TRIM36: variants seen among roughly 807,000 people sequenced by gnomAD.
TRIM36 encodes the protein E3 ubiquitin-protein ligase TRIM36.
Under a neutral mutation model 72.4 loss-of-function variants are expected in TRIM36, and 42 were observed. That is an observed-to-expected ratio of 0.58 (90% CI 0.45 to 0.75). The LOEUF (loss-of-function observed/expected upper bound fraction) is 0.75, where lower values mean the gene tolerates loss of function less well. TRIM36 is among the 30% of genes least tolerant of loss of function. TRIM36 has a pLI of 0.00. For synonymous variants in TRIM36, 315 were observed against 282.8 expected (o/e 1.11, Z -1.14); for missense variants, 913 against 857.1 (o/e 1.07, Z -0.81).
Position 115,157,338 on chromosome 5 carries a change from G to T in TRIM36, c.262+6180C>A, listed in dbSNP as rs150772453. Among the ~76,000 whole-genome samples, 112 of 152,198 alleles carry T rather than the reference G, an allele frequency of 7.4e-4. 2 individuals are homozygous for T. The East Asian group carries it at 0.02, about 27-fold the overall frequency. Reference sequence around the variant, plus strand: ...AACATTTTGGGAGGCTGGGGTGGGTGGATCACCTGAGGTCAACAGTTCGAG... The same window carrying T: ...AACATTTTGGGAGGCTGGGGTGGGTTGATCACCTGAGGTCAACAGTTCGAG... On this transcript the variant is annotated intron_variant, in intron 2 of 9. Transcript: ENST00000513154.
chr5:115,136,934 T>C (rs1752992389), intron 7 of TRIM36, 66 bp downstream of exon 7: 2 of 1,424,688 alleles, frequency 1.4e-6, no homozygotes, highest in Non-Finnish European at 1.9e-6. Flanking sequence ...AGAGAACTTG[T>C]GTTTTCTTCC....
At chr5:115,143,927 G>A (rs995383198) in intron 4 of TRIM36, among the ~76,000 whole-genome samples, 16 of 152,086 alleles carry the variant, frequency 1.1e-4, no homozygotes, top group African/African-American at 3.6e-4. Flanking sequence ...CTGGAGTGCA[G>A]TGGCGCGATC....
At chr5:115,175,650 T>C (rs1755296127) in intron 1 of TRIM36, among the ~76,000 whole-genome samples, 1 of 149,798 alleles carries the variant, frequency 6.7e-6, no homozygotes, top group Non-Finnish European at 1.5e-5. Flanking sequence ...GGAGACACCT[T>C]TTTTTTTCAA....
intron 2 of TRIM36, among the ~76,000 whole-genome samples, chr5:115,153,178 T>C (rs1753986122): frequency 6.6e-6 from 1 of 151,930 alleles, no homozygotes; most frequent in South Asian, 2.1e-4. Flanking sequence ...AAACTTAAGG[T>C]AAAGGGGTGG....
chr5:115,127,486 A>C (rs894386296), intron 9 of TRIM36, among the ~76,000 whole-genome samples: 3 of 152,206 alleles, frequency 2.0e-5, no homozygotes, highest in African/African-American at 7.2e-5. Flanking sequence ...ACTTGAACCC[A>C]GGAAGCAGAA....
At position 115,163,509 on chromosome 5, in the gene TRIM36, A is replaced by G; in HGVS notation, c.262+9T>C. On this transcript the variant is annotated intron_variant, in intron 2 of 9. Transcript: ENST00000513154. Reference sequence around the variant, plus strand: ...CACTACCATCCCAGCCCACAGTTCTAACACATACCTGGTCTGTTAATTCGG... The same window carrying G: ...CACTACCATCCCAGCCCACAGTTCTGACACATACCTGGTCTGTTAATTCGG... 1.2e-6 allele frequency: 2 copies of G among 1,612,342 alleles called. No homozygotes were observed. Among genetic ancestry groups the G allele is most frequent in the Non-Finnish European group, 1.7e-6 (2 of 1,178,344 alleles).
rs114791950 is a variant in TRIM36, at chr5:115,153,203, T to C, written c.263-5809A>G. 2.3e-3 allele frequency among the ~76,000 whole-genome samples: 356 copies of C among 152,296 alleles called. 1 individual carries two copies. Among genetic ancestry groups the C allele is most frequent in the African/African-American group, 8.2e-3 (341 of 41,562 alleles). On this transcript the variant is annotated intron_variant, in intron 2 of 9. Transcript: ENST00000513154. ...TAAAGGGGTGGAAAAAGACATTTCA[T>C]GTGAATGGACACCAAAAGCCAGCAG...
chr5:115,128,478 C>T (rs901948641), intron 9 of TRIM36, among the ~76,000 whole-genome samples: 4 of 148,600 alleles, frequency 2.7e-5, no homozygotes, highest in African/African-American at 7.4e-5. Flanking sequence ...TTAGGCCGGG[C>T]GCGGTGGCTC....
At chr5:115,128,372 A>G (rs1355963696) in intron 9 of TRIM36, among the ~76,000 whole-genome samples, 8 of 147,064 alleles carry the variant, frequency 5.4e-5, no homozygotes, top group Non-Finnish European at 1.1e-4. Context: ...TCCATCTCAA[A>G]AAAAAAAAAA....
At chr5:115,145,447 C>G (rs1180545406) in intron 3 of TRIM36, among the ~76,000 whole-genome samples, 1 of 152,088 alleles carries the variant, frequency 6.6e-6, no homozygotes, top group Admixed American at 6.5e-5. Flanking sequence ...TTAATAAAAT[C>G]AAAAGTTGTT....
chr5:115,150,253 T>G (rs1410884522), intron 2 of TRIM36, among the ~76,000 whole-genome samples: 1 of 152,128 alleles, frequency 6.6e-6, no homozygotes, highest in Non-Finnish European at 1.5e-5. Flanking sequence ...AATGGAAGAG[T>G]CAACTTTCTA....
chr5:115,130,518 T>C (rs1274978070), intron 9 of TRIM36, 74 bp downstream of exon 9: 8 of 1,500,302 alleles, frequency 5.3e-6, no homozygotes, highest in Non-Finnish European at 3.6e-6. Context: ...ATACTCCAAA[T>C]GTAACAAAGC....
At chr5:115,138,908 A>T (rs1580654052) in intron 5 of TRIM36, among the ~76,000 whole-genome samples, 1 of 151,592 alleles carries the variant, frequency 6.6e-6, no homozygotes, top group Non-Finnish European at 1.5e-5. Context: ...CTCCGCCTCC[A>T]AGGTTCACGC....
chr5:115,171,042 G>T, upstream of TRIM36: 1 of 1,610,350 alleles, frequency 6.2e-7, no homozygotes, highest in South Asian at 1.1e-5. Flanking sequence ...TAGGCTTTAA[G>T]AACAGATGCC....
chr5:115,140,105 G>C (rs985654056), intron 5 of TRIM36, among the ~76,000 whole-genome samples: 3 of 152,158 alleles, frequency 2.0e-5, no homozygotes, highest in Admixed American at 6.5e-5. Flanking sequence ...ACTTAGGGTG[G>C]TGAATCAGTA....
At chr5:115,136,283 G>C (rs1353912644) in intron 7 of TRIM36, among the ~76,000 whole-genome samples, 2 of 48,688 alleles carry the variant, frequency 4.1e-5, no homozygotes, top group African/African-American at 7.9e-5. Context: ...AAAAAGAGGA[G>C]ATTAGATCTC....
chr5:115,148,437 T>TTTC, intron 2 of TRIM36: 1 of 646,876 alleles, frequency 1.5e-6, no homozygotes, highest in African/African-American at 2.0e-5. Context: ...TTTTTTTTTT[T>TTTC]TAGATGGAGT....
intron 1 of TRIM36, among the ~76,000 whole-genome samples, chr5:115,176,868 T>C (rs1044005512): frequency 6.6e-6 from 1 of 152,204 alleles, no homozygotes; most frequent in Non-Finnish European, 1.5e-5. Flanking sequence ...GCTAGTGAAA[T>C]GTAAGGAAAT....
chr5:115,169,711 TC>T lies in TRIM36; in HGVS notation c.-78del, dbSNP rs750606816. 1.0e-4 allele frequency: 156 copies of T among 1,490,848 alleles called. No homozygotes were observed. Among genetic ancestry groups the T allele is most frequent in the Non-Finnish European group, 1.3e-4 (145 of 1,118,862 alleles). 92.4% of individuals were successfully genotyped at this position (1,490,848 alleles called of 1,614,324 possible). On this transcript the variant is annotated 5_prime_UTR_variant, in exon 1 of 10. Transcript: ENST00000513154. Reference sequence around the variant, plus strand: ...CCGAGCGCAGGGTCTGGTGGGCGGGTCCCTGCGGCGGCCGTGGAGCCTCGGT... The same window carrying T: ...CCGAGCGCAGGGTCTGGTGGGCGGGTCCTGCGGCGGCCGTGGAGCCTCGGT...
Sources: allele counts gnomAD v4.1 joint callset (sites outside exome capture counted in the v4.1 genomes callset), GRCh38; gene constraint gnomAD v4.1.1; transcripts MANE v1.5; gene names NCBI Gene and HGNC (gene_info 2026-07-23, HGNC 2026-07-21).